CIB2: variants seen among roughly 807,000 people sequenced by gnomAD.
CIB2 encodes calcium and integrin-binding family member 2.
Under a neutral mutation model 23.1 loss-of-function variants are expected in CIB2, and 19 were observed. That is an observed-to-expected ratio of 0.82 (90% confidence interval 0.57 to 1.21). The LOEUF (loss-of-function observed/expected upper bound fraction) is 1.21, where lower values mean the gene tolerates loss of function less well. Ranked by LOEUF, CIB2 falls within the 50% of genes most tolerant of loss-of-function variation. The pLI is 0.00. For synonymous variants in CIB2, 94 were observed against 91.7 expected, an observed-to-expected ratio of 1.03 and a Z score of -0.14; for missense variants, 220 against 241.5, an observed-to-expected ratio of 0.91 and a Z score of 0.59.
chr15:78,127,869 A>G (rs1041565629), intron 1 of CIB2, among the ~76,000 whole-genome samples: 2 of 152,152 alleles, frequency 1.3e-5, no homozygotes, highest in African/African-American at 4.8e-5. Flanking sequence ...AGTAGTTCCC[A>G]TTTTAGAGGT....
chr15:78,126,342 A>G (rs1453161828), intron 1 of CIB2, among the ~76,000 whole-genome samples: 4 of 152,020 alleles, frequency 2.6e-5, no homozygotes, highest in African/African-American at 9.7e-5. Flanking sequence ...ATGGGGTTTC[A>G]CCATATTGGT....
chr15:78,121,857 G>A (rs1003499999), intron 2 of CIB2, among the ~76,000 whole-genome samples: 6 of 152,174 alleles, frequency 3.9e-5, no homozygotes, highest in Non-Finnish European at 8.8e-5. Context: ...TCGGATTCCC[G>A]GACTGGCCTT....
intron 5 of CIB2, 197 bp downstream of exon 5, chr15:78,105,541 GC>G: frequency 6.8e-7 from 1 of 1,479,042 alleles, no homozygotes. Context: ...CACTGAAGGG[GC>G]CCCCAGGTCT....
chr15:78,106,018 C>T, intron 4 of CIB2, 84 bp from the exon 5 acceptor site: 1 of 1,100,564 alleles, frequency 9.1e-7, no homozygotes, highest in South Asian at 1.4e-5. Context: ...TCCTAGCTGG[C>T]CCCACTACCT....
intron 4 of CIB2, among the ~76,000 whole-genome samples, chr15:78,108,199 C>T (rs1194284452): frequency 3.3e-5 from 2 of 60,344 alleles, no homozygotes; most frequent in Non-Finnish European, 7.3e-5. Flanking sequence ...GGGACTCTGT[C>T]TCAAAAAAAA....
intron 2 of CIB2, among the ~76,000 whole-genome samples, chr15:78,119,828 C>A (rs1214096508): frequency 1.3e-5 from 2 of 152,038 alleles, no homozygotes; most frequent in African/African-American, 4.8e-5. Context: ...GCCTCAGCCT[C>A]CCAAAGTGCT....
rs1255120819 is a variant in CIB2 at position 78,131,188 on chromosome 15, C to T, written c.28G>A (p.Glu10Lys). The part of the protein sequence containing the change: MGNKQTIFT[E>K]EQLDNYQDCT... Reference sequence around the variant, plus strand: ...ACCTGGTAGTTGTCTAGCTGCTCTTCGGTGAAGATGGTCTGCTTGTTCCCC... The same window carrying T: ...ACCTGGTAGTTGTCTAGCTGCTCTTTGGTGAAGATGGTCTGCTTGTTCCCC... Residue 10 changes from glutamate to lysine, a missense_variant, in exon 1 of 6, where the codon GAA (glutamate) becomes AAA (lysine). Physicochemically the swap from Glu to Lys is moderately conservative, Grantham distance 56 (BLOSUM62 1). Coordinates refer to ENST00000258930, the MANE Select transcript of CIB2 (RefSeq NM_006383.4). This position sits in a 1 kb window ranked among gnomAD's most constrained non-coding sequence, Gnocchi z 5.8. 2 of 1,589,506 alleles carry T rather than the reference C, an allele frequency of 1.3e-6. No homozygotes were observed. Among genetic ancestry groups the T allele is most frequent in the Non-Finnish European group, 8.6e-7 (1 of 1,169,396 alleles).
rs185421095 is a variant in CIB2 at position 78,110,309 on chromosome 15, A to G, written c.198+856T>C. Among the ~76,000 whole-genome samples, 22 of 152,324 alleles carry G rather than the reference A, an allele frequency of 1.4e-4. No individual in the cohort carries two copies. The East Asian group carries it at 3.9e-3, about 27-fold the overall frequency. On this transcript the variant is annotated intron_variant, in intron 3 of 5. Coordinates refer to ENST00000258930, the MANE Select transcript of CIB2 (RefSeq NM_006383.4). ...GAGACAGACCACTTGGGTCCTACCC[A>G]TGAGTGTCTCACCTGCTCCAGCAAC...
chr15:78,109,839 A>G (rs1399151832), intron 3 of CIB2, among the ~76,000 whole-genome samples: 3 of 150,330 alleles, frequency 2.0e-5, no homozygotes, highest in Admixed American at 2.0e-4. Context: ...TGCTGAGCAC[A>G]GCCAGTGTGT....
At chr15:78,128,370 A>G (rs1015111655) in intron 1 of CIB2, among the ~76,000 whole-genome samples, 1 of 152,146 alleles carries the variant, frequency 6.6e-6, no homozygotes, top group Non-Finnish European at 1.5e-5. Flanking sequence ...GTGCAAAGGG[A>G]AAGGGAGTAA....
intron 1 of CIB2, among the ~76,000 whole-genome samples, chr15:78,128,708 A>T (rs1313092717): frequency 6.7e-6 from 1 of 149,454 alleles, no homozygotes; most frequent in African/African-American, 2.4e-5. Context: ...AAAAAAAAAA[A>T]GGAAGAGAAA....
intron 1 of CIB2, among the ~76,000 whole-genome samples, chr15:78,125,091 T>A (rs2074365619): frequency 6.6e-6 from 1 of 152,104 alleles, no homozygotes; most frequent in Non-Finnish European, 1.5e-5. Flanking sequence ...GGGTCTCAGC[T>A]TTGCTTTTGA....
chr15:78,121,524 G>T (rs534185163), intron 2 of CIB2, among the ~76,000 whole-genome samples: 12 of 152,168 alleles, frequency 7.9e-5, no homozygotes, highest in Non-Finnish European at 1.6e-4. Context: ...ACGTGTCATG[G>T]GAGGGACCTG....
intron 2 of CIB2, among the ~76,000 whole-genome samples, chr15:78,117,283 T>TAAAAAAAAAAAAAAAAA (rs1265422874): frequency 2.2e-5 from 3 of 133,514 alleles, no homozygotes; most frequent in East Asian, 2.2e-4. Flanking sequence ...AAAGTTTGTT[T>TAAAAAAAAAAAAAAAAA]AAAAGAATAA....
At chr15:78,121,872 C>G (rs1217569308) in intron 2 of CIB2, among the ~76,000 whole-genome samples, 1 of 152,212 alleles carries the variant, frequency 6.6e-6, no homozygotes, top group Non-Finnish European at 1.5e-5. Flanking sequence ...GGCCTTCAAG[C>G]TCCTCTCTCC....
At chr15:78,111,068 C>G (rs1179277638) in intron 3 of CIB2, 97 bp downstream of exon 3, 5 of 1,010,854 alleles carry the variant, frequency 4.9e-6, no homozygotes, top group Non-Finnish European at 7.9e-6. Context: ...CACGCAGACA[C>G]AAAGGGTGGA....
At chr15:78,111,077 G>C (rs780951279) in intron 3 of CIB2, 88 bp downstream of exon 3, 2 of 1,082,996 alleles carry the variant, frequency 1.8e-6, no homozygotes, top group Middle Eastern at 2.0e-4. Flanking sequence ...ACAAAGGGTG[G>C]AGCTGGGTTC....
intron 2 of CIB2, among the ~76,000 whole-genome samples, chr15:78,112,418 A>G (rs2074174688): frequency 6.6e-6 from 1 of 152,048 alleles, no homozygotes; most frequent in South Asian, 2.1e-4. Context: ...ATGAAAAAAA[A>G]ATTAGCTGGA....
In CIB2 at chr15:78,117,246, C is replaced by CAAAAAAAAAAAAAAAAA. The variant is rs60332437; in HGVS notation, c.87-5987_87-5971dup. Among the ~76,000 whole-genome samples, 381 of 55,414 alleles carry CAAAAAAAAAAAAAAAAA rather than the reference C, an allele frequency of 6.9e-3. 60 individuals are homozygous for CAAAAAAAAAAAAAAAAA. Among genetic ancestry groups the CAAAAAAAAAAAAAAAAA allele is most frequent in the East Asian group, 0.018 (14 of 796 alleles). The allele number at this position is 55,414 out of a possible 152,430, so 36.4% of individuals were successfully genotyped here. On this transcript the variant is annotated intron_variant, in intron 2 of 5. Transcript: ENST00000258930. ...GTTAAGTGTTTCTTCAAGCTACTGG[C>CAAAAAAAAAAAAAAAAA]AAAAAAAAAAAAAAAAAAAAAAAAA...
Sources: allele counts gnomAD v4.1 joint callset (sites outside exome capture counted in the v4.1 genomes callset), GRCh38; gene constraint gnomAD v4.1.1; non-coding constraint Gnocchi (gnomAD v3.1); transcripts MANE v1.5; gene names NCBI Gene and HGNC (gene_info 2026-07-23, HGNC 2026-07-21).